The following PASK variants were observed in gnomAD, a reference collection of about 807,000 sequenced individuals.
PASK encodes PAS domain-containing serine/threonine-protein kinase.
In PASK, 110 loss-of-function variants were observed where a neutral mutation model predicts 121.0. That is an observed-to-expected ratio of 0.91 (90% CI 0.78 to 1.06). PASK has a LOEUF of 1.06. PASK is among the 50% of genes least tolerant of loss of function. The pLI is 0.00. For synonymous variants in PASK, 686 were observed against 717.8 expected, an observed-to-expected ratio of 0.96 and a Z score of 0.71; for missense variants, 1,643 against 1,702.3, an observed-to-expected ratio of 0.97 and a Z score of 0.61.
intron 15 of PASK, among the ~76,000 whole-genome samples, chr2:241,111,612 GT>G (rs2065116152): frequency 6.6e-6 from 1 of 152,030 alleles, no homozygotes; most frequent in South Asian, 2.1e-4. Flanking sequence ...CCTCTCTAAA[GT>G]CCCCCGAGAG....
chr2:241,108,682 G>A lies in PASK; in HGVS notation c.3534-382C>T, dbSNP rs1028673944. On this transcript the variant is annotated intron_variant, in intron 15 of 17. Coordinates refer to ENST00000234040, the MANE Select transcript of PASK (RefSeq NM_015148.4). This position sits in a 1 kb window ranked among gnomAD's most constrained non-coding sequence, Gnocchi z 5.2. Reference sequence around the variant, plus strand: ...GCAGGCCACTTCAGAACAGGGTCACGTGCCCTTCAGACGTGATCAGGCATG... The same window carrying A: ...GCAGGCCACTTCAGAACAGGGTCACATGCCCTTCAGACGTGATCAGGCATG... 3.0e-5 allele frequency: 11 copies of A among 367,764 alleles called. No homozygotes were observed. Among genetic ancestry groups the A allele is most frequent in the Admixed American group, 1.9e-4 (5 of 26,644 alleles). The allele number at this position is 367,764 out of a possible 1,614,324, so 22.8% of individuals were successfully genotyped here. A position where few individuals can be genotyped will look rare whatever the true frequency, so the allele number is the denominator to read the frequency against.
In PASK at chr2:241,133,139, C is replaced by T. The variant is rs1005616082; in HGVS notation, c.1307-109G>A. 1.8e-5 allele frequency: 20 copies of T among 1,124,222 alleles called. No individual in the cohort carries two copies. The African/African-American group carries it at 2.0e-4, about 11-fold the overall frequency. The allele number at this position is 1,124,222 out of a possible 1,614,324, so 69.6% of individuals were successfully genotyped here. A position where few individuals can be genotyped will look rare whatever the true frequency, so the allele number is the denominator to read the frequency against. ...GACTGCTTCACAGCATGACCAGCATCGACCACCTCTCACCACCCCAGGCGT... is the reference window on the plus strand; with the variant it reads ...GACTGCTTCACAGCATGACCAGCATTGACCACCTCTCACCACCCCAGGCGT... On this transcript the variant is annotated intron_variant, in intron 8 of 17. Coordinates refer to ENST00000234040, the MANE Select transcript of PASK (RefSeq NM_015148.4).
intron 15 of PASK, among the ~76,000 whole-genome samples, chr2:241,110,271 G>T (rs1343018607): frequency 1.3e-5 from 2 of 152,210 alleles, no homozygotes; most frequent in Non-Finnish European, 2.9e-5. Flanking sequence ...AGAGAAAATA[G>T]CAGAATGGCA....
At chr2:241,134,254 A>G (rs1433854816) in intron 8 of PASK, 1 of 152,206 alleles carries the variant, frequency 6.6e-6, no homozygotes, top group Non-Finnish European at 1.5e-5. Flanking sequence ...ACAGGCATGC[A>G]TGCACAGGTC....
intron 1 of PASK, among the ~76,000 whole-genome samples, chr2:241,146,957 C>T (rs1218977547): frequency 1.3e-5 from 2 of 152,160 alleles, no homozygotes; most frequent in Non-Finnish European, 2.9e-5. Flanking sequence ...AGCCTAGGAC[C>T]CTGGAAGGCA....
At chr2:241,138,126 G>A in intron 5 of PASK, 39 bp from the exon 6 acceptor site, 3 of 1,609,528 alleles carry the variant, frequency 1.9e-6, no homozygotes, top group Non-Finnish European at 2.5e-6. Context: ...AAAGCTTCTT[G>A]TGCTCCAGCT....
intron 16 of PASK, 131 bp from the exon 17 acceptor site, chr2:241,107,630 G>T: frequency 1.2e-6 from 1 of 809,388 alleles, no homozygotes; most frequent in Non-Finnish European, 2.2e-6. Flanking sequence ...AACCTCTAGT[G>T]CAGGGCCCAG....
Position 241,136,049 on chromosome 2 carries a change from A to G in PASK, c.1138-10T>C. ...TCAGGAAAGTGATATTCTAGAAAACAAAGCAGGGACATTTCAGAACCTGGA... is the reference window on the plus strand; with the variant it reads ...TCAGGAAAGTGATATTCTAGAAAACGAAGCAGGGACATTTCAGAACCTGGA... On this transcript the variant is annotated splice_polypyrimidine_tract_variant and intron_variant, in intron 7 of 17. Coordinates refer to ENST00000234040, the MANE Select transcript of PASK (RefSeq NM_015148.4). 1 of 1,613,082 alleles carries G rather than the reference A, an allele frequency of 6.2e-7. No homozygotes were observed. Among genetic ancestry groups the G allele is most frequent in the South Asian group, 1.1e-5 (1 of 91,062 alleles).
Position 241,137,169 on chromosome 2 carries a change from C to G in PASK, c.972G>C (p.Ala324=). ...KLKSQPSSEE[A]TTGEAAPVSG... ...TCACAGGGGCCGCCTCACCGGTGGTCGCCTCCTCGCTGCTGGGTTGGGATT... is the reference window on the plus strand; with the variant it reads ...TCACAGGGGCCGCCTCACCGGTGGTGGCCTCCTCGCTGCTGGGTTGGGATT... The change falls in exon 7 of 18, where the codon GCG becomes GCC. Residue 324 remains alanine (A), a synonymous_variant. Transcript: ENST00000234040. 2 of 1,612,744 alleles carry G rather than the reference C, an allele frequency of 1.2e-6. No homozygotes were observed. The highest frequency in any genetic ancestry group is 1.7e-6 in the Non-Finnish European group (2 of 1,179,106).
Position 241,137,085 on chromosome 2 carries a change from C to T in PASK, c.1056G>A (p.Leu352=). 2.5e-6 allele frequency: 4 copies of T among 1,613,504 alleles called. No individual in the cohort carries two copies. Among genetic ancestry groups the T allele is most frequent in the Non-Finnish European group, 3.4e-6 (4 of 1,179,742 alleles). Reference sequence around the variant, plus strand: ...TGATGCCGTGGATGGTCCCATCCGGCAGGAGGGTGATGAGGCCACTGATGG... The same window carrying T: ...TGATGCCGTGGATGGTCCCATCCGGTAGGAGGGTGATGAGGCCACTGATGG... ...FCTISGLITL[L]PDGTIHGINH... is the part of the protein sequence containing the mutation. The change falls in exon 7 of 18, where the codon CTG becomes CTA. Residue 352 remains leucine, a synonymous_variant. Coordinates refer to ENST00000234040, the MANE Select transcript of PASK (RefSeq NM_015148.4).
In PASK at chr2:241,126,991, T is replaced by C; in HGVS notation, c.1924A>G (p.Thr642Ala). The C allele has an allele frequency of 3.1e-6, 5 of 1,614,040 alleles. No individual in the cohort carries two copies. Among genetic ancestry groups the C allele is most frequent in the Non-Finnish European group, 4.2e-6 (5 of 1,180,008 alleles). ...GMAGLSFGTP[T>A]LDEPWLGVEN... The stretch of plus-strand genomic sequence containing the variant: ...ACTCCCAGCCACGGCTCATCTAGAG[T>C]AGGTGTCCCAAACGAGAGGCCTGCC... The change falls in exon 10 of 18, where the codon ACT (threonine) becomes GCT (alanine). Residue 642 changes from threonine (T) to alanine (A), a missense_variant. Physicochemically the swap from Thr to Ala is moderately conservative, Grantham distance 58. This residue lies in a region of PASK where 1,176 missense variants were observed against 1,162.2 expected (regional missense o/e 1.01). Transcript: ENST00000234040.
At chr2:241,121,646 A>G (rs543595617) in intron 12 of PASK, among the ~76,000 whole-genome samples, 206 of 152,364 alleles carry the variant, frequency 1.4e-3, no homozygotes, top group Admixed American at 4.6e-3. Flanking sequence ...AAATATAGAC[A>G]TAAATGACTA....
chr2:241,107,758 A>G (rs1452715057), intron 16 of PASK, among the ~76,000 whole-genome samples: 2 of 152,212 alleles, frequency 1.3e-5, no homozygotes, highest in African/African-American at 2.4e-5. Flanking sequence ...TAACTGCTCT[A>G]TTCTCAGGGG....
In PASK at chr2:241,126,577, C is replaced by T; in HGVS notation, c.2338G>A (p.Asp780Asn). The change falls in exon 10 of 18, where the codon GAT (aspartate) becomes AAT (asparagine). Residue 780 changes from aspartate to asparagine, a missense_variant. Physicochemically the swap from Asp to Asn is conservative, Grantham distance 23. This residue lies in a region of PASK where 1,176 missense variants were observed against 1,162.2 expected (regional missense o/e 1.01). Coordinates refer to ENST00000234040, the MANE Select transcript of PASK (RefSeq NM_015148.4). ...PSSLAVGSDP[D>N]VGSLQEQGSC... Reference sequence around the variant, plus strand: ...CCCTGTTCCTGGAGACTGCCTACATCTGGATCGGAGCCCACTGCCAAGGAA... The same window carrying T: ...CCCTGTTCCTGGAGACTGCCTACATTTGGATCGGAGCCCACTGCCAAGGAA... 2.5e-6 allele frequency: 4 copies of T among 1,614,270 alleles called. No individual in the cohort carries two copies. The highest frequency in any genetic ancestry group is 3.4e-6 in the Non-Finnish European group (4 of 1,180,050).
chr2:241,108,600 G>A lies in PASK; in HGVS notation c.3534-300C>T. The A allele has an allele frequency of 4.3e-6, 2 of 462,998 alleles. No homozygotes were observed. The highest frequency in any genetic ancestry group is 4.0e-5 in the South Asian group (2 of 49,610). The allele number at this position is 462,998 out of a possible 1,614,324, so 28.7% of individuals were successfully genotyped here. On this transcript the variant is annotated intron_variant, in intron 15 of 17. Coordinates refer to ENST00000234040, the MANE Select transcript of PASK (RefSeq NM_015148.4). The surrounding 1 kb of genome is among the most constrained non-coding windows in gnomAD (Gnocchi z 5.2). The stretch of plus-strand genomic sequence containing the variant: ...TACCAGAGGGGGGAGCGGGGGGAGG[G>A]CTTCCTGGAGGAAGCAGAGTACACG...
intron 1 of PASK, among the ~76,000 whole-genome samples, chr2:241,148,910 T>G (rs1274586078): frequency 6.6e-6 from 1 of 151,432 alleles, no homozygotes; most frequent in South Asian, 2.1e-4. Context: ...AAAGAAAAAT[T>G]AGTGAAAAAA....
At chr2:241,120,156 T>A (rs1469557738) in intron 12 of PASK, among the ~76,000 whole-genome samples, 1 of 151,940 alleles carries the variant, frequency 6.6e-6, no homozygotes, top group Non-Finnish European at 1.5e-5. Flanking sequence ...AATACAGAAC[T>A]CATACAATTT....
chr2:241,137,205 G>C lies in PASK; in HGVS notation c.936C>G (p.Ser312Arg). 6.2e-7 allele frequency: 1 copy of C among 1,612,500 alleles called. No individual in the cohort carries two copies. The highest frequency in any genetic ancestry group is 8.5e-7 in the Non-Finnish European group (1 of 1,178,538). ...RARDGTTFPL[S>R]LKLKSQPSSE... ...TGCTGGGTTGGGATTTCAGCTTTAAGCTCAGAGGGAAGGTGGTACCGTCCC... is the reference window on the plus strand; with the variant it reads ...TGCTGGGTTGGGATTTCAGCTTTAACCTCAGAGGGAAGGTGGTACCGTCCC... Residue 312 changes from serine (S) to arginine (R), a missense_variant, in exon 7 of 18, where the codon AGC (serine) becomes AGG (arginine). Coordinates refer to ENST00000234040, the MANE Select transcript of PASK (RefSeq NM_015148.4).
intron 12 of PASK, among the ~76,000 whole-genome samples, chr2:241,116,039 A>C (rs371275989): frequency 8.2e-6 from 1 of 122,610 alleles, no homozygotes; most frequent in Non-Finnish European, 1.6e-5. Context: ...AGGGCCACCC[A>C]GTCCTCAAGC....
Sources: gnomAD v4.1 joint callset for allele counts (sites outside exome capture counted in the v4.1 genomes callset) on GRCh38, gnomAD v4.1.1 for gene constraint, gnomAD v4.1.1 regional missense constraint, Gnocchi (gnomAD v3.1) non-coding constraint, MANE v1.5 for transcripts, NCBI Gene and HGNC (gene_info 2026-07-23, HGNC 2026-07-21) for gene names.